KCNQ1: variants seen among roughly 807,000 people sequenced by gnomAD.
KCNQ1 encodes the protein potassium voltage-gated channel subfamily Q member 1, also known as potassium voltage-gated channel subfamily KQT member 1.
In KCNQ1, 49 loss-of-function variants were observed where a neutral mutation model predicts 72.4. The observed-to-expected ratio is 0.68, with a 90% CI of 0.54 to 0.86. The LOEUF is 0.86. Ranked by LOEUF, KCNQ1 falls within the 40% of genes least tolerant of loss-of-function variation. The pLI is 0.00. For synonymous variants in KCNQ1, 450 were observed against 412.6 expected, an observed-to-expected ratio of 1.09 and a Z score of -1.10; for missense variants, 790 against 945.1, an observed-to-expected ratio of 0.84 and a Z score of 2.15.
intron 2 of KCNQ1, among the ~76,000 whole-genome samples, chr11:2,532,735 G>T (rs1331487527): frequency 1.3e-5 from 2 of 152,228 alleles, no homozygotes; most frequent in Non-Finnish European, 2.9e-5. Flanking sequence ...GCGGACAGCA[G>T]GCACAGGGCT....
chr11:2,583,085 G>T (rs1365392465), intron 6 of KCNQ1, among the ~76,000 whole-genome samples: 1 of 152,142 alleles, frequency 6.6e-6, no homozygotes, highest in African/African-American at 2.4e-5. Flanking sequence ...CAGCAACGTC[G>T]GTGGCCCAGG....
At position 2,769,327 on chromosome 11, in the gene KCNQ1, AC is replaced by A; in HGVS notation, c.1590+414del. ...CAAGCTGGGAAGGCAGGTCCCCCAG[AC>A]CCCCCAGCCCTGTCCTCCACTGGCT... On this transcript the variant is annotated intron_variant, in intron 12 of 15. Transcript: ENST00000155840. This position sits in a 1 kb window ranked among gnomAD's most constrained non-coding sequence, Gnocchi z 4.6. Among the ~76,000 whole-genome samples, 1 of 151,640 alleles carries A rather than the reference AC, an allele frequency of 6.6e-6. No homozygotes were observed. The highest frequency in any genetic ancestry group is 1.9e-4 in the East Asian group (1 of 5,130).
Position 2,575,948 on chromosome 11 carries a change from C to G in KCNQ1, c.921+2962C>G, listed in dbSNP as rs568247474. 2.6e-5 allele frequency among the ~76,000 whole-genome samples: 4 copies of G among 152,348 alleles called. No individual in the cohort carries two copies. The South Asian group carries it at 8.3e-4, about 32-fold the overall frequency. ...CTCCGAAAGCTCAGGGAGAAATTTC[C>G]TCTCCTCTCCCCGTGGCTGGAGACT... On this transcript the variant is annotated intron_variant, in intron 6 of 15. Coordinates refer to ENST00000155840, the MANE Select transcript of KCNQ1 (RefSeq NM_000218.3).
At chr11:2,681,468 G>A (rs375784153) in intron 11 of KCNQ1, 30 of 398,534 alleles carry the variant, frequency 7.5e-5, no homozygotes, top group African/African-American at 5.7e-4. Flanking sequence ...AATGGCCTCA[G>A]GCTCCCTAGA....
Position 2,642,591 on chromosome 11 carries a change from T to C in KCNQ1, c.1394-19370T>C. The C allele has an allele frequency of 2.5e-6, 1 of 397,924 alleles. No individual in the cohort carries two copies. The highest frequency in any genetic ancestry group is 4.4e-6 in the Non-Finnish European group (1 of 225,678). 24.6% of individuals were successfully genotyped at this position (397,924 alleles called of 1,614,324 possible). A position where few individuals can be genotyped will look rare whatever the true frequency, so the allele number is the denominator to read the frequency against. On this transcript the variant is annotated intron_variant, in intron 10 of 15. Coordinates refer to ENST00000155840, the MANE Select transcript of KCNQ1 (RefSeq NM_000218.3). The surrounding 1 kb of genome is among the most constrained non-coding windows in gnomAD (Gnocchi z 4.3). ...CTTCTTGGATAGTTTAGCCACTGGT[T>C]ATTTTGTTTCTTTTCAAAAACCGAT...
In KCNQ1 at chr11:2,695,140, G is replaced by T. The variant is rs1394372849; in HGVS notation, c.1514+33059G>T. On this transcript the variant is annotated intron_variant, in intron 11 of 15. Coordinates refer to ENST00000155840, the MANE Select transcript of KCNQ1 (RefSeq NM_000218.3). This position sits in a 1 kb window ranked among gnomAD's most constrained non-coding sequence, Gnocchi z 5.2. ...GTCATGGAGGCACATTCATTCGTTG[G>T]TTCTTGGCTTTTGGGACTCTGCACA... The T allele has an allele frequency of 1.0e-5, 4 of 398,502 alleles. No individual in the cohort carries two copies. The highest frequency in any genetic ancestry group is 4.4e-5 in the Admixed American group (1 of 22,716). 24.7% of individuals were successfully genotyped at this position (398,502 alleles called of 1,614,324 possible). A position where few individuals can be genotyped will look rare whatever the true frequency, so the allele number is the denominator to read the frequency against.
At chr11:2,615,935 G>T (rs1849055025) in intron 10 of KCNQ1, 1 of 397,948 alleles carries the variant, frequency 2.5e-6, no homozygotes, top group Admixed American at 4.4e-5. Flanking sequence ...GAGAGGGATT[G>T]GTGTGAATTC....
Position 2,516,330 on chromosome 11 carries a change from A to G in KCNQ1, c.387-11598A>G, listed in dbSNP as rs1321739602. Among the ~76,000 whole-genome samples, 1 of 151,978 alleles carries G rather than the reference A, an allele frequency of 6.6e-6. No homozygotes were observed. The highest frequency in any genetic ancestry group is 6.6e-5 in the Admixed American group (1 of 15,260). On this transcript the variant is annotated intron_variant, in intron 1 of 15. Transcript: ENST00000155840. This position sits in a 1 kb window ranked among gnomAD's most constrained non-coding sequence, Gnocchi z 7.0. ...GGCGACAGGAGGAGGTGGGCTTTAA[A>G]TGGCTCAGTCCCAGCGTCCCCTCAT...
At chr11:2,496,515 T>TTTTTTTTTTTTTC (rs1846922911) in intron 1 of KCNQ1, among the ~76,000 whole-genome samples, 1 of 128,448 alleles carries the variant, frequency 7.8e-6, no homozygotes, top group Admixed American at 8.0e-5. Context: ...TTTTTTTTTT[T>TTTTTTTTTTTTTC]TTTTTGCTTT....
intron 11 of KCNQ1, among the ~76,000 whole-genome samples, chr11:2,707,933 G>A (rs918984777): frequency 3.9e-5 from 6 of 152,182 alleles, no homozygotes; most frequent in Non-Finnish European, 7.4e-5. Flanking sequence ...CTTCTTGAGC[G>A]CCGAACCTGC....
chr11:2,511,404 G>A (rs574272108), intron 1 of KCNQ1, among the ~76,000 whole-genome samples: 1 of 152,248 alleles, frequency 6.6e-6, no homozygotes, highest in East Asian at 1.9e-4. Flanking sequence ...GAACCACCTC[G>A]TCAGGCCCAG....
intron 15 of KCNQ1, among the ~76,000 whole-genome samples, chr11:2,806,738 G>A (rs912817632): frequency 7.9e-5 from 12 of 152,226 alleles, no homozygotes; most frequent in Admixed American, 2.6e-4. Context: ...CCGGGAGTAC[G>A]TTCGGGCTCA....
intron 15 of KCNQ1, chr11:2,840,486 T>A (rs1848184614): frequency 6.6e-6 from 1 of 151,546 alleles, no homozygotes; most frequent in African/African-American, 2.4e-5. Flanking sequence ...CCCAGGCGAT[T>A]CAAAGATTTA....
rs2133622546 is a variant in KCNQ1, at chr11:2,488,390, C to G, written c.387-39538C>G. ...TCATAGAATGAGTTAGAAACCTTTC[C>G]CCTCCTCTTTAATTTTTTGGGAAAG... On this transcript the variant is annotated intron_variant, in intron 1 of 15. Coordinates refer to ENST00000155840, the MANE Select transcript of KCNQ1 (RefSeq NM_000218.3). The surrounding 1 kb of genome is among the most constrained non-coding windows in gnomAD (Gnocchi z 5.1). Among the ~76,000 whole-genome samples the G allele has an allele frequency of 6.6e-6, 1 of 152,222 alleles. No individual in the cohort carries two copies. The highest frequency in any genetic ancestry group is 6.5e-5 in the Admixed American group (1 of 15,282).
At chr11:2,727,206 A>G (rs749520153) in intron 11 of KCNQ1, among the ~76,000 whole-genome samples, 5 of 152,210 alleles carry the variant, frequency 3.3e-5, no homozygotes, top group African/African-American at 4.8e-5. Flanking sequence ...CTCAGCGTCT[A>G]CAGATGTTAG....
intron 11 of KCNQ1, chr11:2,665,793 G>A: frequency 2.5e-6 from 1 of 398,666 alleles, no homozygotes; most frequent in African/African-American, 2.1e-5. Context: ...CCCTGCCTAA[G>A]ATGAAGCAAG....
At chr11:2,800,378 A>G (rs1847236277) in intron 15 of KCNQ1, among the ~76,000 whole-genome samples, 1 of 152,172 alleles carries the variant, frequency 6.6e-6, no homozygotes, top group African/African-American at 2.4e-5. Flanking sequence ...CAGGCAGCTG[A>G]GCCCAGACCC....
chr11:2,576,858 C>T (rs1178830234), intron 6 of KCNQ1, among the ~76,000 whole-genome samples: 2 of 152,228 alleles, frequency 1.3e-5, no homozygotes, highest in African/African-American at 2.4e-5. Flanking sequence ...AGGACCTGGC[C>T]ACCCACCGAG....
rs1008539380 is a variant in KCNQ1, at chr11:2,668,372, A to C, written c.1514+6291A>C. 1.0e-5 allele frequency: 4 copies of C among 398,448 alleles called. No homozygotes were observed. Among genetic ancestry groups the C allele is most frequent in the African/African-American group, 2.1e-5 (1 of 48,586 alleles). 24.7% of individuals were successfully genotyped at this position (398,448 alleles called of 1,614,324 possible). A position where few individuals can be genotyped will look rare whatever the true frequency, so the allele number is the denominator to read the frequency against. ...GTGGGCATATGTTTACTCTTAGTGA[A>C]TACTACCCAGCAGTCTACCAAAGGA... is the stretch of plus-strand genomic sequence containing the variant. On this transcript the variant is annotated intron_variant, in intron 11 of 15. Coordinates refer to ENST00000155840, the MANE Select transcript of KCNQ1 (RefSeq NM_000218.3). The surrounding 1 kb of genome is among the most constrained non-coding windows in gnomAD (Gnocchi z 4.3).
Sources: gnomAD v4.1 joint callset for allele counts (sites outside exome capture counted in the v4.1 genomes callset) on GRCh38, gnomAD v4.1.1 for gene constraint, Gnocchi (gnomAD v3.1) non-coding constraint, MANE v1.5 for transcripts, NCBI Gene and HGNC (gene_info 2026-07-23, HGNC 2026-07-21) for gene names.